Variants in SORCS3 observed in about 807,000 individuals in gnomAD.
The protein encoded by SORCS3 is VPS10 domain-containing receptor SorCS3.
A neutral mutation model predicts 146.3 loss-of-function variants in SORCS3; 57 were observed. The observed-to-expected ratio is 0.39, with a 90% confidence interval of 0.31 to 0.49. The LOEUF (loss-of-function observed/expected upper bound fraction) is 0.49, where lower values mean the gene tolerates loss of function less well. Ranked by LOEUF, SORCS3 falls within the 20% of genes least tolerant of loss-of-function variation. The pLI is 0.92. For synonymous variants in SORCS3, 653 were observed against 618.5 expected (o/e 1.06, Z -0.83); for missense variants, 1,341 against 1,575.5 (o/e 0.85, Z 2.52).
chr10:104,920,695 C>T lies in SORCS3; in HGVS notation c.795+4763C>T, dbSNP rs543017950. On this transcript the variant is annotated intron_variant, in intron 3 of 26. Coordinates refer to ENST00000369701, the MANE Select transcript of SORCS3 (RefSeq NM_014978.3). ...TTCCTGGAGGTAGCTGAGATTTAGA[C>T]TGGGAGTACTGTCTTTATCACAGGC... 2.0e-5 allele frequency among the ~76,000 whole-genome samples: 3 copies of T among 152,316 alleles called. No homozygotes were observed. The South Asian group carries it at 6.2e-4, about 32-fold the overall frequency.
chr10:105,205,287 C>T (rs907771905), intron 16 of SORCS3, among the ~76,000 whole-genome samples: 7 of 152,094 alleles, frequency 4.6e-5, no homozygotes, highest in Admixed American at 2.6e-4. Flanking sequence ...TGTCTCTGTC[C>T]CTCTTTTGCA....
intron 4 of SORCS3, among the ~76,000 whole-genome samples, chr10:105,004,641 C>A (rs772395541): frequency 1.3e-5 from 2 of 152,120 alleles, no homozygotes; most frequent in African/African-American, 2.4e-5. Flanking sequence ...GATGGCAAAA[C>A]GCAAGGAAGC....
Position 105,247,319 on chromosome 10 carries a change from A to C in SORCS3, c.3093A>C (p.Arg1031=). Reference sequence around the variant, plus strand: ...AAGATATTGGCAATGTCATCAAGCGAGCTCTGGTTAAAGTAAGTTGGCTTT... The same window carrying C: ...AAGATATTGGCAATGTCATCAAGCGCGCTCTGGTTAAAGTAAGTTGGCTTT... The part of the protein sequence containing the change: ...WRKDIGNVIK[R]ALVKVTSVPE... The change falls in exon 22 of 27, where the codon CGA becomes CGC. Residue 1031 remains arginine, a synonymous_variant. Transcript: ENST00000369701. The C allele has an allele frequency of 6.2e-7, 1 of 1,602,548 alleles. No individual in the cohort carries two copies. Among genetic ancestry groups the C allele is most frequent in the Non-Finnish European group, 8.5e-7 (1 of 1,170,348 alleles).
chr10:104,662,384 G>C (rs1425956798), intron 1 of SORCS3, among the ~76,000 whole-genome samples: 2 of 152,210 alleles, frequency 1.3e-5, no homozygotes, highest in East Asian at 1.9e-4. Context: ...GTGACTCGAT[G>C]AAGTTTCTAC....
At chr10:105,208,522 G>A (rs933471882) in intron 16 of SORCS3, among the ~76,000 whole-genome samples, 3 of 151,562 alleles carry the variant, frequency 2.0e-5, no homozygotes, top group African/African-American at 7.3e-5. Flanking sequence ...AGTGAACGCA[G>A]AACTGGGGAG....
At chr10:105,100,542 A>G (rs563430362) in intron 6 of SORCS3, among the ~76,000 whole-genome samples, 1 of 152,358 alleles carries the variant, frequency 6.6e-6, no homozygotes, top group Admixed American at 6.5e-5. Context: ...TTCCTTTCAC[A>G]TAGCACAATT....
At chr10:104,887,065 TAG>T (rs2018696300) in intron 2 of SORCS3, among the ~76,000 whole-genome samples, 1 of 152,256 alleles carries the variant, frequency 6.6e-6, no homozygotes. Flanking sequence ...TAATTCATTG[TAG>T]AGTGTCTCTT....
chr10:105,111,268 CTCAGTCGGG>C (rs1423810981), intron 7 of SORCS3, among the ~76,000 whole-genome samples: 1 of 152,116 alleles, frequency 6.6e-6, no homozygotes. Flanking sequence ...CCCTGACATC[CTCAGTCGGG>C]ATTGGACTAA....
intron 1 of SORCS3, among the ~76,000 whole-genome samples, chr10:104,832,636 T>C (rs1225302631): frequency 2.0e-5 from 3 of 152,184 alleles, no homozygotes; most frequent in African/African-American, 7.2e-5. Context: ...GAGAATCGTT[T>C]GAACCCAGGA....
Position 105,263,709 on chromosome 10 carries a change from A to G in SORCS3, c.*335A>G, listed in dbSNP as rs2056975061. On this transcript the variant is annotated 3_prime_UTR_variant, in exon 27 of 27. Transcript: ENST00000369701. ...TTGAAGTTGGGTTGGCTCTTTGTGA[A>G]CCTCTCATCCCCACAGCAGAATCAC... The G allele has an allele frequency of 3.8e-6, 1 of 264,442 alleles. No individual in the cohort carries two copies. The highest frequency in any genetic ancestry group is 2.2e-5 in the African/African-American group (1 of 44,860). The allele number at this position is 264,442 out of a possible 1,614,324, so 16.4% of individuals were successfully genotyped here.
At chr10:105,180,281 A>G (rs913661704) in intron 14 of SORCS3, among the ~76,000 whole-genome samples, 1 of 152,250 alleles carries the variant, frequency 6.6e-6, no homozygotes, top group Non-Finnish European at 1.5e-5. Context: ...GGAAGTTTTC[A>G]TAGCAGTTCA....
chr10:105,065,921 A>C (rs2055519766), intron 5 of SORCS3, among the ~76,000 whole-genome samples: 1 of 152,240 alleles, frequency 6.6e-6, no homozygotes, highest in African/African-American at 2.4e-5. Flanking sequence ...GAATTTAGGT[A>C]GTGAGTCATC....
At chr10:104,762,735 G>A (rs2451480) in intron 1 of SORCS3, among the ~76,000 whole-genome samples, 1 of 152,110 alleles carries the variant, frequency 6.6e-6, no homozygotes, top group East Asian at 1.9e-4. Context: ...TCACTTGCTC[G>A]CTCTCCTGGT....
chr10:104,650,346 T>C (rs757780490), intron 1 of SORCS3, among the ~76,000 whole-genome samples: 15 of 152,190 alleles, frequency 9.9e-5, no homozygotes, highest in Non-Finnish European at 1.9e-4. Flanking sequence ...CCAGGAATTG[T>C]TCCGAAGGAG....
intron 1 of SORCS3, among the ~76,000 whole-genome samples, chr10:104,793,832 G>A (rs921330061): frequency 1.6e-4 from 25 of 152,190 alleles, no homozygotes; most frequent in Non-Finnish European, 7.3e-5. Flanking sequence ...TGAAGGTGAA[G>A]AAGGACATCT....
intron 8 of SORCS3, among the ~76,000 whole-genome samples, chr10:105,140,361 G>A (rs140729690): frequency 4.3e-4 from 66 of 152,132 alleles, no homozygotes; most frequent in South Asian, 2.9e-3. Context: ...TTATGCATCC[G>A]TTCAACTATT....
intron 1 of SORCS3, among the ~76,000 whole-genome samples, chr10:104,707,890 G>A (rs370773011): frequency 3.3e-5 from 5 of 152,304 alleles, no homozygotes; most frequent in African/African-American, 1.2e-4. Flanking sequence ...GAGACCTAAT[G>A]TCAGATACAC....
rs7915868 is a variant in SORCS3, at chr10:105,188,762, C to T, written c.2009+10589C>T. On this transcript the variant is annotated intron_variant, in intron 14 of 26. Coordinates refer to ENST00000369701, the MANE Select transcript of SORCS3 (RefSeq NM_014978.3). ...GTGACCTTTTGTGAAATGACTTCAT[C>T]ATAAATCTGCAGGCATTTTAGAACT... Among the ~76,000 whole-genome samples the T allele has an allele frequency of 9.9e-3, 1,508 of 152,292 alleles. 33 individuals carry two copies. Among genetic ancestry groups the T allele is most frequent in the African/African-American group, 0.035 (1,444 of 41,568 alleles).
intron 14 of SORCS3, among the ~76,000 whole-genome samples, chr10:105,178,541 A>T (rs994347612): frequency 7.9e-5 from 12 of 152,074 alleles, no homozygotes; most frequent in African/African-American, 2.4e-4. Context: ...GAGGGAGTAA[A>T]ACAGTCAACT....
Sources: allele counts gnomAD v4.1 joint callset (sites outside exome capture counted in the v4.1 genomes callset), GRCh38; gene constraint gnomAD v4.1.1; transcripts MANE v1.5; gene names NCBI Gene and HGNC (gene_info 2026-07-23, HGNC 2026-07-21).